Variants in LYRM4 observed in about 807,000 individuals in gnomAD.
LYRM4 encodes the protein LYR motif containing 4.
Under a neutral mutation model 11.7 loss-of-function variants are expected in LYRM4, and 9 were observed. That is an observed-to-expected ratio of 0.77 (90% CI 0.46 to 1.34). The LOEUF is 1.34. LYRM4 is among the 40% of genes most tolerant of loss of function. The pLI is 0.00. For synonymous variants in LYRM4, 42 were observed against 40.4 expected, an observed-to-expected ratio of 1.04 and a Z score of -0.15; for missense variants, 133 against 112.5, an observed-to-expected ratio of 1.18 and a Z score of -0.82.
At chr6:5,045,307 G>A in the LYRM4 span, among the ~76,000 whole-genome samples, 42,496 of 152,114 alleles carry the variant, frequency 0.28, 7,654 homozygotes, top group East Asian at 0.72. Context: ...GTCCCGCCAC[G>A]TGCTACAACA....
chr6:5,035,231 C>G, the LYRM4 span, among the ~76,000 whole-genome samples: 3 of 152,156 alleles, frequency 2.0e-5, no homozygotes, highest in South Asian at 4.1e-4. Flanking sequence ...GGCTGTGCTT[C>G]CCACTACCCT....
At chr6:5,124,227 TA>T in intron 2 of LYRM4, among the ~76,000 whole-genome samples, 2 of 152,224 alleles carry the variant, frequency 1.3e-5, no homozygotes, top group Middle Eastern at 6.8e-3. Context: ...AACCCACTTG[TA>T]GGGCTCCACA....
intron 2 of LYRM4, among the ~76,000 whole-genome samples, chr6:5,180,131 A>G (rs369249119): frequency 6.6e-6 from 1 of 152,328 alleles, no homozygotes; most frequent in East Asian, 1.9e-4. Context: ...AGCATGTCAC[A>G]GGAGCTGGTT....
intron 1 of LYRM4, among the ~76,000 whole-genome samples, chr6:5,237,153 T>C (rs1022664066): frequency 8.5e-5 from 13 of 152,220 alleles, no homozygotes; most frequent in African/African-American, 3.1e-4. Context: ...CCCTTGTCTG[T>C]GGCCTATCAG....
chr6:5,225,247 CAA>C (rs35803077), intron 1 of LYRM4, among the ~76,000 whole-genome samples: 25 of 76,984 alleles, frequency 3.2e-4, no homozygotes, highest in Admixed American at 5.8e-4. Context: ...GACTCCGAAT[CAA>C]AAAAAAAAAA....
At chr6:5,198,395 A>G (rs968935594) in intron 2 of LYRM4, among the ~76,000 whole-genome samples, 5 of 152,338 alleles carry the variant, frequency 3.3e-5, no homozygotes, top group Admixed American at 6.5e-5. Flanking sequence ...CAGGCTAACA[A>G]AAGTCTGGCT....
intron 1 of LYRM4, among the ~76,000 whole-genome samples, chr6:5,230,587 T>C (rs2127741802): frequency 6.6e-6 from 1 of 152,342 alleles, no homozygotes; most frequent in Admixed American, 6.5e-5. Flanking sequence ...ACATAGCCTT[T>C]AAATTATTTA....
At chr6:5,044,466 C>A in the LYRM4 span, among the ~76,000 whole-genome samples, 1 of 152,188 alleles carries the variant, frequency 6.6e-6, no homozygotes, top group Non-Finnish European at 1.5e-5. Context: ...TGGGAAACCT[C>A]TTATCCTCAT....
chr6:5,143,218 A>AGTGGAGTCTGATGCCCT (rs58528949), intron 2 of LYRM4, among the ~76,000 whole-genome samples: 1 of 151,826 alleles, frequency 6.6e-6, no homozygotes, highest in East Asian at 1.9e-4. Flanking sequence ...CTTCTGTGTG[A>AGTGGAGTCTGATGCCCT]GTCAGCACAC....
At chr6:5,186,136 C>T (rs1407059913) in intron 2 of LYRM4, among the ~76,000 whole-genome samples, 2 of 152,080 alleles carry the variant, frequency 1.3e-5, no homozygotes, top group Non-Finnish European at 2.9e-5. Flanking sequence ...GGCAGTGAAG[C>T]TTATGAGTGC....
At chr6:5,136,616 T>G (rs1757114820) in intron 2 of LYRM4, 1 of 985,418 alleles carries the variant, frequency 1.0e-6, no homozygotes, top group African/African-American at 1.7e-5. Flanking sequence ...TGGCTTCTAG[T>G]AATCGATTAC....
At chr6:5,167,582 AC>A (rs1326454389) in intron 2 of LYRM4, among the ~76,000 whole-genome samples, 1 of 152,118 alleles carries the variant, frequency 6.6e-6, no homozygotes, top group Non-Finnish European at 1.5e-5. Flanking sequence ...AAACGATAAA[AC>A]CCCTGTCCGA....
At chr6:5,058,716 T>C in the LYRM4 span, among the ~76,000 whole-genome samples, 1 of 152,178 alleles carries the variant, frequency 6.6e-6, no homozygotes, top group Admixed American at 6.5e-5. Context: ...TTATTTTTCC[T>C]GTTTTAGCCA....
intron 2 of LYRM4, among the ~76,000 whole-genome samples, chr6:5,119,808 A>C (rs1225417325): frequency 7.3e-5 from 11 of 151,378 alleles, no homozygotes; most frequent in African/African-American, 1.2e-4. Flanking sequence ...AAAAAAAAAA[A>C]AAAAAAAAAA....
rs575062514 is a variant in LYRM4 at position 5,260,907 on chromosome 6, C to A, written c.-174G>T. ...GCAGCCCTGCGGATCGCGGACGGCG[C>A]CAGGCGTCCCGCGCCGCTTCGGGGG... On this transcript the variant is annotated 5_prime_UTR_variant, in exon 1 of 3. Coordinates refer to ENST00000330636, the MANE Select transcript of LYRM4 (RefSeq NM_020408.6). The A allele has an allele frequency of 5.1e-6, 7 of 1,379,286 alleles. No individual in the cohort carries two copies. In the East Asian group the frequency reaches 1.8e-4, roughly 34 times the overall value. The allele number at this position is 1,379,286 out of a possible 1,614,324, so 85.4% of individuals were successfully genotyped here.
intron 2 of LYRM4, among the ~76,000 whole-genome samples, chr6:5,170,407 A>G (rs867377577): frequency 5.3e-5 from 8 of 152,292 alleles, no homozygotes; most frequent in African/African-American, 1.9e-4. Context: ...GAGTATCCAA[A>G]GCTTAGTCAG....
At chr6:5,173,678 C>A (rs1478716417) in intron 2 of LYRM4, among the ~76,000 whole-genome samples, 1 of 152,136 alleles carries the variant, frequency 6.6e-6, no homozygotes, top group African/African-American at 2.4e-5. Flanking sequence ...TTTACAAATT[C>A]TTTGATTGAG....
At chr6:5,212,419 T>C (rs1470125888) in intron 2 of LYRM4, among the ~76,000 whole-genome samples, 2 of 152,208 alleles carry the variant, frequency 1.3e-5, no homozygotes, top group Non-Finnish European at 2.9e-5. Context: ...TAGAAATCCT[T>C]TGGTGCTTCT....
chr6:5,237,040 G>A (rs753550432), intron 1 of LYRM4, among the ~76,000 whole-genome samples: 8 of 152,162 alleles, frequency 5.3e-5, no homozygotes, highest in Non-Finnish European at 2.9e-5. Context: ...GACTCTGTCC[G>A]TGGGAAATCC....
Sources: gnomAD v4.1 joint callset for allele counts (sites outside exome capture counted in the v4.1 genomes callset) on GRCh38, gnomAD v4.1.1 for gene constraint, MANE v1.5 for transcripts, NCBI Gene and HGNC (gene_info 2026-07-23, HGNC 2026-07-21) for gene names.